Variants in LRRC37A2 observed in about 807,000 individuals in gnomAD.
LRRC37A2 encodes leucine-rich repeat-containing protein 37A2.
In LRRC37A2, 9 loss-of-function variants were observed where a neutral mutation model predicts 68.8. That is an observed-to-expected ratio of 0.13 (90% CI 0.08 to 0.23). The LOEUF is 0.23. Ranked by LOEUF, LRRC37A2 falls within the 10% of genes least tolerant of loss-of-function variation. The probability of loss-of-function intolerance (pLI) is 1.00; values close to 1 mark genes in which losing one functional copy is unlikely to be tolerated. For missense variants in LRRC37A2, 168 were observed against 950.4 expected, an observed-to-expected ratio of 0.18 and a Z score of 10.82; for synonymous variants, 63 against 367.6, an observed-to-expected ratio of 0.17 and a Z score of 9.48.
At chr17:46,970,150 T>C in the LRRC37A2 span, among the ~76,000 whole-genome samples, 1 of 152,190 alleles carries the variant, frequency 6.6e-6, no homozygotes, top group Non-Finnish European at 1.5e-5. Context: ...GATCAGTAAA[T>C]GTGGTTCCAT....
chr17:46,946,873 A>G, the LRRC37A2 span, among the ~76,000 whole-genome samples: 1 of 152,224 alleles, frequency 6.6e-6, no homozygotes, highest in Non-Finnish European at 1.5e-5. Context: ...AATTTTAAAA[A>G]AACAAAAATT....
chr17:47,030,108 T>C, the LRRC37A2 span, among the ~76,000 whole-genome samples: 4 of 118,436 alleles, frequency 3.4e-5, no homozygotes, highest in Non-Finnish European at 7.2e-5. Flanking sequence ...ATCATCATCA[T>C]CATCATCATC....
chr17:47,037,764 G>C, the LRRC37A2 span, among the ~76,000 whole-genome samples: 1 of 152,154 alleles, frequency 6.6e-6, no homozygotes, highest in Non-Finnish European at 1.5e-5. Context: ...GCTTTTCTTA[G>C]TGGAAAGTTT....
chr17:46,826,086 C>A, the LRRC37A2 span, among the ~76,000 whole-genome samples: 1 of 152,190 alleles, frequency 6.6e-6, no homozygotes, highest in Non-Finnish European at 1.5e-5. Context: ...AGGGGTCTTG[C>A]GGGGAAGACT....
At chr17:46,795,258 C>G in the LRRC37A2 span, among the ~76,000 whole-genome samples, 81 of 152,196 alleles carry the variant, frequency 5.3e-4, no homozygotes, top group Admixed American at 2.0e-3. Flanking sequence ...CACACCAGCG[C>G]ATTCAGCCCC....
the LRRC37A2 span, chr17:46,935,202 C>T: frequency 1.2e-6 from 2 of 1,612,734 alleles, no homozygotes; most frequent in African/African-American, 1.3e-5. Flanking sequence ...GAGAGAAGGC[C>T]TCTTGTTTTA....
the LRRC37A2 span, among the ~76,000 whole-genome samples, chr17:47,023,369 CA>C: frequency 6.6e-6 from 1 of 152,166 alleles, no homozygotes; most frequent in Non-Finnish European, 1.5e-5. Flanking sequence ...TGTATATAGA[CA>C]AGCCATGATG....
At chr17:46,770,532 C>T in the LRRC37A2 span, among the ~76,000 whole-genome samples, 2 of 152,254 alleles carry the variant, frequency 1.3e-5, no homozygotes, top group East Asian at 3.9e-4. Flanking sequence ...CCACCCCTTC[C>T]GCACGTGGAT....
the LRRC37A2 span, chr17:46,721,671 C>A: frequency 6.2e-7 from 1 of 1,604,354 alleles, no homozygotes; most frequent in Non-Finnish European, 8.5e-7. Flanking sequence ...TTGTGTTCCA[C>A]ATTGTTCTGC....
chr17:46,878,497 C>T, the LRRC37A2 span, among the ~76,000 whole-genome samples: 2 of 152,174 alleles, frequency 1.3e-5, no homozygotes, highest in Non-Finnish European at 2.9e-5. Flanking sequence ...GAGCCCCTCT[C>T]GTTAAAATGA....
At chr17:46,813,713 T>C in the LRRC37A2 span, among the ~76,000 whole-genome samples, 1 of 152,182 alleles carries the variant, frequency 6.6e-6, no homozygotes, top group South Asian at 2.1e-4. Flanking sequence ...TCACCTTTCC[T>C]GTGCCATCCC....
At chr17:46,863,192 G>C in the LRRC37A2 span, among the ~76,000 whole-genome samples, 683 of 152,352 alleles carry the variant, frequency 4.5e-3, 2 homozygotes, top group African/African-American at 0.016. Context: ...AAGGTTTGGC[G>C]GTGGGGCGTT....
chr17:46,841,892 G>A, the LRRC37A2 span, among the ~76,000 whole-genome samples: 3 of 152,230 alleles, frequency 2.0e-5, no homozygotes, highest in Admixed American at 6.5e-5. Flanking sequence ...GCTCCTCTGC[G>A]GTGTGTGGGG....
the LRRC37A2 span, among the ~76,000 whole-genome samples, chr17:46,839,887 T>C: frequency 6.6e-6 from 1 of 152,296 alleles, no homozygotes; most frequent in Non-Finnish European, 1.5e-5. Context: ...TAGTAGTCCA[T>C]GGTGTATATG....
the LRRC37A2 span, among the ~76,000 whole-genome samples, chr17:46,892,397 G>A: frequency 3.3e-5 from 5 of 152,120 alleles, no homozygotes; most frequent in Non-Finnish European, 5.9e-5. Flanking sequence ...TGCTGACCAC[G>A]TGTTCCCAGC....
At chr17:46,521,394 T>G (rs1278178118) in intron 4 of LRRC37A2, among the ~76,000 whole-genome samples, 1 of 50,044 alleles carries the variant, frequency 2.0e-5, no homozygotes, top group African/African-American at 7.1e-5. Context: ...TACGTTTCCT[T>G]TAAAATAGTT....
At chr17:46,719,821 A>C in the LRRC37A2 span, among the ~76,000 whole-genome samples, 1 of 152,344 alleles carries the variant, frequency 6.6e-6, no homozygotes, top group East Asian at 1.9e-4. This position sits in a 1 kb window ranked among gnomAD's most constrained non-coding sequence, Gnocchi z 4.3. Context: ...CAATCAGTAG[A>C]GATGAAGTAG....
At chr17:46,831,733 C>G in the LRRC37A2 span, among the ~76,000 whole-genome samples, 13 of 152,230 alleles carry the variant, frequency 8.5e-5, no homozygotes, top group Admixed American at 5.2e-4. Context: ...GACTGGGAAA[C>G]CAGGGTTCCA....
chr17:46,817,605 C>A, the LRRC37A2 span, among the ~76,000 whole-genome samples: 1 of 151,948 alleles, frequency 6.6e-6, no homozygotes, highest in African/African-American at 2.4e-5. Context: ...GATGTTTATT[C>A]CTCACCCAGG....
Sources: gnomAD v4.1 joint callset for allele counts (sites outside exome capture counted in the v4.1 genomes callset) on GRCh38, gnomAD v4.1.1 for gene constraint, Gnocchi (gnomAD v3.1) non-coding constraint, MANE v1.5 for transcripts, NCBI Gene and HGNC (gene_info 2026-07-23, HGNC 2026-07-21) for gene names.